OSTN: variants seen among roughly 807,000 people sequenced by gnomAD.
The protein encoded by OSTN is osteocrin.
Under a neutral mutation model 12.0 loss-of-function variants are expected in OSTN, and 9 were observed. The observed-to-expected ratio is 0.75, with a 90% CI of 0.45 to 1.30. The LOEUF (loss-of-function observed/expected upper bound fraction) is 1.30. Among genes scored for constraint, OSTN ranks in the 50% most tolerant of loss-of-function variants. OSTN has a pLI of 0.00. For synonymous variants in OSTN, 59 were observed against 56.9 expected, an observed-to-expected ratio of 1.04 and a Z score of -0.16; for missense variants, 148 against 152.3, an observed-to-expected ratio of 0.97 and a Z score of 0.15.
chr3:191,255,208 A>G (rs971076178), intron 4 of OSTN, among the ~76,000 whole-genome samples: 6 of 152,164 alleles, frequency 3.9e-5, no homozygotes, highest in African/African-American at 9.7e-5. Context: ...ATGAGAATCT[A>G]ATGCCACTGT....
chr3:191,264,111 AAG>A lies in OSTN; in HGVS notation c.*1263_*1264del, dbSNP rs1489200205. 2 of 152,130 alleles carry A rather than the reference AAG, an allele frequency of 1.3e-5. No individual in the cohort carries two copies. Among genetic ancestry groups the A allele is most frequent in the African/African-American group, 4.8e-5 (2 of 41,458 alleles). 9.4% of individuals were successfully genotyped at this position (152,130 alleles called of 1,614,324 possible). On this transcript the variant is annotated 3_prime_UTR_variant, in exon 5 of 5. Coordinates refer to ENST00000682035, the MANE Select transcript of OSTN (RefSeq NM_198184.2). Reference sequence around the variant, plus strand: ...GAGCAAAGGCTTATTTCAGCATAAAAAGAGAGTGTTGTGAGTTGTGAGAAGGT... The same window carrying A: ...GAGCAAAGGCTTATTTCAGCATAAAAAGAGTGTTGTGAGTTGTGAGAAGGT...
At chr3:191,233,070 T>C (rs139852961) in intron 3 of OSTN, among the ~76,000 whole-genome samples, 1 of 152,154 alleles carries the variant, frequency 6.6e-6, no homozygotes, top group Admixed American at 6.5e-5. Flanking sequence ...TCTATATTAC[T>C]ATAAAATATC....
At chr3:191,201,489 T>C (rs897140960) in intron 1 of OSTN, among the ~76,000 whole-genome samples, 10 of 152,162 alleles carry the variant, frequency 6.6e-5, no homozygotes, top group African/African-American at 2.2e-4. Flanking sequence ...TATAAAATGG[T>C]ATTAAAAGTT....
chr3:191,218,681 A>G, intron 2 of OSTN, 66 bp from the exon 3 acceptor site: 1 of 1,303,482 alleles, frequency 7.7e-7, no homozygotes, highest in African/African-American at 1.5e-5. Flanking sequence ...CAAAAGCCAG[A>G]TGCATATGTA....
rs1346620192 is a variant in OSTN at position 191,205,449 on chromosome 3, T to A, written c.-1+6142T>A. On this transcript the variant is annotated intron_variant, in intron 1 of 4. Coordinates refer to ENST00000682035, the MANE Select transcript of OSTN (RefSeq NM_198184.2). ...GTCACGTCAAGTAAAAAAAAATATA[T>A]ATATATATATGTATATAAAACCTTC... 1.1e-3 allele frequency among the ~76,000 whole-genome samples: 162 copies of A among 147,804 alleles called. 2 individuals are homozygous for A. Among genetic ancestry groups the A allele is most frequent in the African/African-American group, 3.7e-3 (147 of 39,510 alleles).
chr3:191,208,565 T>A (rs1231446709), intron 1 of OSTN, among the ~76,000 whole-genome samples: 2 of 152,248 alleles, frequency 1.3e-5, no homozygotes, highest in African/African-American at 4.8e-5. Context: ...TGGTTATCTG[T>A]AAGATGATAC....
At chr3:191,249,687 A>G (rs940208222) in intron 3 of OSTN, among the ~76,000 whole-genome samples, 3 of 152,208 alleles carry the variant, frequency 2.0e-5, no homozygotes, top group Admixed American at 1.3e-4. Context: ...ACAAAATAAC[A>G]GAAAAATAAA....
chr3:191,257,463 C>G (rs1715698916), intron 4 of OSTN, among the ~76,000 whole-genome samples: 1 of 151,996 alleles, frequency 6.6e-6, no homozygotes, highest in African/African-American at 2.4e-5. Flanking sequence ...CACAGCATCT[C>G]CCAGCAGGGG....
At position 191,242,757 on chromosome 3, in the gene OSTN, A is replaced by T. The variant is rs150754984; in HGVS notation, c.318-7280A>T. On this transcript the variant is annotated intron_variant, in intron 3 of 4. Coordinates refer to ENST00000682035, the MANE Select transcript of OSTN (RefSeq NM_198184.2). ...GGCAAAACTACAAAAATATTTTATG[A>T]CATAGGAGAATATCTTCATAATATT... Among the ~76,000 whole-genome samples, 588 of 152,320 alleles carry T rather than the reference A, an allele frequency of 3.9e-3. 3 individuals are homozygous for T. The highest frequency in any genetic ancestry group is 0.013 in the African/African-American group (530 of 41,574).
At chr3:191,254,773 A>G (rs1426486456) in intron 4 of OSTN, among the ~76,000 whole-genome samples, 2 of 152,240 alleles carry the variant, frequency 1.3e-5, no homozygotes, top group Non-Finnish European at 2.9e-5. Flanking sequence ...TGCATGAAGT[A>G]CAGCAAAAAT....
intron 2 of OSTN, among the ~76,000 whole-genome samples, chr3:191,216,527 T>C (rs1291965475): frequency 6.7e-6 from 1 of 148,702 alleles, no homozygotes; most frequent in Admixed American, 6.7e-5. Flanking sequence ...TAAACATAAC[T>C]TCTAATTTCA....
intron 3 of OSTN, among the ~76,000 whole-genome samples, chr3:191,230,770 C>T (rs907742831): frequency 3.3e-5 from 5 of 152,132 alleles, no homozygotes; most frequent in African/African-American, 4.8e-5. Context: ...CGTTAATCAA[C>T]ATCCCTGGAG....
intron 3 of OSTN, among the ~76,000 whole-genome samples, chr3:191,238,225 A>G (rs1476626755): frequency 6.6e-6 from 1 of 152,096 alleles, no homozygotes; most frequent in Non-Finnish European, 1.5e-5. Context: ...CAACAGAGGT[A>G]TATTTGGCCA....
At chr3:191,240,168 T>G (rs1034510302) in intron 3 of OSTN, among the ~76,000 whole-genome samples, 2 of 152,224 alleles carry the variant, frequency 1.3e-5, no homozygotes, top group African/African-American at 4.8e-5. Context: ...CCTATCATTC[T>G]GGAATTTGAA....
At chr3:191,231,941 CAA>C (rs1353899094) in intron 3 of OSTN, among the ~76,000 whole-genome samples, 1 of 151,940 alleles carries the variant, frequency 6.6e-6, no homozygotes, top group Admixed American at 6.6e-5. Flanking sequence ...TTATCAAAAA[CAA>C]TTTTTTAATT....
intron 4 of OSTN, among the ~76,000 whole-genome samples, chr3:191,259,724 A>G (rs980313005): frequency 1.3e-5 from 2 of 151,872 alleles, no homozygotes; most frequent in East Asian, 3.9e-4. Context: ...ACAAGGCAGG[A>G]TGGCTTTTAT....
chr3:191,202,095 A>T (rs111651982), intron 1 of OSTN, among the ~76,000 whole-genome samples: 3 of 152,358 alleles, frequency 2.0e-5, no homozygotes, highest in African/African-American at 7.2e-5. Flanking sequence ...ATTACAAAGT[A>T]TACATACAAT....
At chr3:191,259,995 C>T (rs1715769908) in intron 4 of OSTN, among the ~76,000 whole-genome samples, 2 of 151,318 alleles carry the variant, frequency 1.3e-5, no homozygotes, top group African/African-American at 4.9e-5. Context: ...GCTGGGACTA[C>T]AGGCACACAC....
intron 4 of OSTN, among the ~76,000 whole-genome samples, chr3:191,251,905 C>G (rs1432485911): frequency 6.6e-6 from 1 of 152,180 alleles, no homozygotes; most frequent in African/African-American, 2.4e-5. Flanking sequence ...TCTTGATGTT[C>G]TGAGAACATT....
Sources: allele counts gnomAD v4.1 joint callset (sites outside exome capture counted in the v4.1 genomes callset), GRCh38; gene constraint gnomAD v4.1.1; transcripts MANE v1.5; gene names NCBI Gene and HGNC (gene_info 2026-07-23, HGNC 2026-07-21).